Variants in PCDHA7 observed in about 807,000 individuals in gnomAD.
The protein encoded by PCDHA7 is protocadherin alpha-7.
PCDHA7 carries 37 observed loss-of-function variants against 57.2 expected under a neutral mutation model. That is an observed-to-expected ratio of 0.65 (90% CI 0.50 to 0.85). PCDHA7 has a LOEUF of 0.85. Among genes scored for constraint, PCDHA7 ranks in the 40% least tolerant of loss-of-function variants. The pLI is 0.00. For synonymous variants in PCDHA7, 553 were observed against 558.8 expected, an observed-to-expected ratio of 0.99 and a Z score of 0.15; for missense variants, 1,188 against 1,241.8, an observed-to-expected ratio of 0.96 and a Z score of 0.65.
chr5:140,977,665 A>G (rs1554238741), intron 1 of PCDHA7, among the ~76,000 whole-genome samples: 1 of 152,202 alleles, frequency 6.6e-6, no homozygotes, highest in Non-Finnish European at 1.5e-5. Flanking sequence ...AATTCTCTGC[A>G]TGCCAAATAT....
chr5:140,842,929 C>T lies in PCDHA7; in HGVS notation c.2355+6191C>T, dbSNP rs2150347942. On this transcript the variant is annotated intron_variant, in intron 1 of 3. Coordinates refer to ENST00000525929, the MANE Select transcript of PCDHA7 (RefSeq NM_018910.3). ...TAGAGCTGCTGCAGTTCCAGGTGAG[C>T]GCGCGCGACGCGGGCGTGCCGCCTC... 1.0e-5 allele frequency: 16 copies of T among 1,594,270 alleles called. 1 individual carries two copies. Among genetic ancestry groups the T allele is most frequent in the African/African-American group, 8.1e-5 (6 of 74,356 alleles).
chr5:140,887,004 C>T (rs1341039143), intron 1 of PCDHA7, among the ~76,000 whole-genome samples: 1 of 152,066 alleles, frequency 6.6e-6, no homozygotes, highest in African/African-American at 2.4e-5. Flanking sequence ...GTTGGTATCA[C>T]TTTCCTACTG....
chr5:140,972,235 G>A (rs1368131761), intron 1 of PCDHA7, among the ~76,000 whole-genome samples: 2 of 151,838 alleles, frequency 1.3e-5, no homozygotes, highest in African/African-American at 4.8e-5. Context: ...GACCTTCTGG[G>A]CTCAAGCAAT....
intron 1 of PCDHA7, among the ~76,000 whole-genome samples, chr5:140,946,626 A>G (rs2093985217): frequency 7.5e-6 from 1 of 132,480 alleles, no homozygotes; most frequent in Non-Finnish European, 1.6e-5. Context: ...ATATATATAT[A>G]TATATACAAT....
At position 141,003,456 on chromosome 5, in the gene PCDHA7, C is replaced by T. The variant is rs187279966; in HGVS notation, c.2504-6171C>T. Among the ~76,000 whole-genome samples the T allele has an allele frequency of 1.2e-3, 188 of 152,136 alleles. 1 individual carries two copies. The highest frequency in any genetic ancestry group is 4.1e-3 in the African/African-American group (172 of 41,508). On this transcript the variant is annotated intron_variant, in intron 3 of 3. Transcript: ENST00000525929. ...CCTCCCAAGTAGATGAAATTACAGGCGTGCACCACCACAGTCTCGCTAATT... is the reference window on the plus strand; with the variant it reads ...CCTCCCAAGTAGATGAAATTACAGGTGTGCACCACCACAGTCTCGCTAATT...
intron 1 of PCDHA7, among the ~76,000 whole-genome samples, chr5:140,918,414 T>G (rs2078683449): frequency 6.6e-6 from 1 of 152,198 alleles, no homozygotes; most frequent in African/African-American, 2.4e-5. Context: ...TGGCCAGGAC[T>G]TCCAGTAGGA....
chr5:140,845,716 T>C (rs1554140984), intron 1 of PCDHA7, among the ~76,000 whole-genome samples: 1 of 149,718 alleles, frequency 6.7e-6, no homozygotes, highest in Non-Finnish European at 1.5e-5. Context: ...TATGTATGCA[T>C]GATAAATGTG....
At chr5:140,925,955 G>T (rs1350124934) in intron 1 of PCDHA7, among the ~76,000 whole-genome samples, 1 of 152,076 alleles carries the variant, frequency 6.6e-6, no homozygotes. Context: ...AGGAGAAACT[G>T]CTATCACGCA....
Position 141,009,665 on chromosome 5 carries a change from G to T in PCDHA7, c.2542G>T (p.Gly848Cys). 6.2e-7 allele frequency: 1 copy of T among 1,614,022 alleles called. No individual in the cohort carries two copies. Among genetic ancestry groups the T allele is most frequent in the Non-Finnish European group, 8.5e-7 (1 of 1,180,006 alleles). The change falls in exon 4 of 4, where the codon GGT becomes TGT. Residue 848 changes from glycine to cysteine, a missense_variant. By Grantham distance (159) the Gly-to-Cys change is radical (BLOSUM62 -3). Transcript: ENST00000525929. The stretch of plus-strand genomic sequence containing the variant: ...AGAAGTGTCCCCTCCAGTCGGTGCG[G>T]GTGTCAACAGCAACAGCTGGACCTT... ...AGEVSPPVGA[G>C]VNSNSWTFKY...
At position 140,857,973 on chromosome 5, in the gene PCDHA7, C is replaced by G. The variant is rs114376757; in HGVS notation, c.2355+21235C>G. On this transcript the variant is annotated intron_variant, in intron 1 of 3. Transcript: ENST00000525929. ...CGCGCTCTGGATGAGACTGACTCGC[C>G]ACGCCAGCGCCTACTGGTGCTGGTG... is the stretch of plus-strand genomic sequence containing the variant. The G allele has an allele frequency of 3.1e-3, 4,989 of 1,596,810 alleles. 388 individuals carry two copies. In the African/African-American group the frequency reaches 0.058, roughly 19 times the overall value.
intron 1 of PCDHA7, chr5:140,926,949 G>C: frequency 3.8e-6 from 6 of 1,592,316 alleles, no homozygotes; most frequent in Non-Finnish European, 5.1e-6. Context: ...GCGCTGCAGC[G>C]GGACAGCTCG....
At chr5:140,839,867 G>A (rs996407179) in intron 1 of PCDHA7, among the ~76,000 whole-genome samples, 1 of 151,988 alleles carries the variant, frequency 6.6e-6, no homozygotes, top group Non-Finnish European at 1.5e-5. Flanking sequence ...GGTGGACTTT[G>A]AAAGATGAAT....
At chr5:140,882,318 G>T (rs534213144) in intron 1 of PCDHA7, 1 of 1,614,128 alleles carries the variant, frequency 6.2e-7, no homozygotes, top group African/African-American at 1.3e-5. Flanking sequence ...CTACTGCTCT[G>T]GCTTCTGATC....
At chr5:140,963,204 A>G (rs2095745825) in intron 1 of PCDHA7, among the ~76,000 whole-genome samples, 1 of 152,104 alleles carries the variant, frequency 6.6e-6, no homozygotes, top group African/African-American at 2.4e-5. Flanking sequence ...ATGAAAAAAA[A>G]AACCTCGTGT....
chr5:140,848,513 A>T, intron 1 of PCDHA7: 2 of 1,590,760 alleles, frequency 1.3e-6, no homozygotes, highest in Non-Finnish European at 1.7e-6. Context: ...ACTCAAGTCG[A>T]GGAGATCCAG....
At chr5:140,884,033 C>T in intron 1 of PCDHA7, 1 of 1,613,402 alleles carries the variant, frequency 6.2e-7, no homozygotes, top group Non-Finnish European at 8.5e-7. Context: ...GGGTGCAGGC[C>T]ACGTGGTGGC....
At chr5:140,870,435 G>A in intron 1 of PCDHA7, 1 of 1,614,252 alleles carries the variant, frequency 6.2e-7, no homozygotes, top group South Asian at 1.1e-5. Context: ...CCGTGGAGGT[G>A]GCCGACGTGA....
intron 3 of PCDHA7, among the ~76,000 whole-genome samples, chr5:141,007,395 C>CAAAAAAAAAAAAAAAAAA (rs35800918): frequency 1.1e-5 from 1 of 94,866 alleles, no homozygotes; most frequent in African/African-American, 4.3e-5. Context: ...TACTAAAATA[C>CAAAAAAAAAAAAAAAAAA]AAAAAAAAAA....
intron 3 of PCDHA7, among the ~76,000 whole-genome samples, chr5:141,002,937 C>T (rs2098103358): frequency 6.6e-6 from 1 of 152,232 alleles, no homozygotes; most frequent in Non-Finnish European, 1.5e-5. Context: ...CCAACACCCT[C>T]CAGCACATGC....
Sources: allele counts gnomAD v4.1 joint callset (sites outside exome capture counted in the v4.1 genomes callset), GRCh38; gene constraint gnomAD v4.1.1; transcripts MANE v1.5; gene names NCBI Gene and HGNC (gene_info 2026-07-23, HGNC 2026-07-21).